KCNIP1: variants seen among roughly 807,000 people sequenced by gnomAD.
KCNIP1 encodes potassium voltage-gated channel interacting protein 1.
A neutral mutation model predicts 33.0 loss-of-function variants in KCNIP1; 18 were observed. That is an observed-to-expected ratio of 0.55 (90% CI 0.38 to 0.81). The LOEUF is 0.81. Among genes scored for constraint, KCNIP1 ranks in the 30% least tolerant of loss-of-function variants. The pLI is 0.00. For synonymous variants in KCNIP1, 93 were observed against 98.3 expected (o/e 0.95, Z 0.32); for missense variants, 238 against 271.6 (o/e 0.88, Z 0.87).
chr5:170,382,404 A>G (rs2113337780), intron 1 of KCNIP1, among the ~76,000 whole-genome samples: 1 of 152,266 alleles, frequency 6.6e-6, no homozygotes, highest in South Asian at 2.1e-4. Flanking sequence ...ACACACTCAC[A>G]TTTTAATTCC....
chr5:170,687,072 G>A (rs1404702675), intron 1 of KCNIP1, among the ~76,000 whole-genome samples: 1 of 151,866 alleles, frequency 6.6e-6, no homozygotes, highest in East Asian at 1.9e-4. Flanking sequence ...AATTAACCTA[G>A]CCTATGTCCC....
intron 1 of KCNIP1, among the ~76,000 whole-genome samples, chr5:170,694,307 A>C (rs1762820633): frequency 6.6e-6 from 1 of 152,220 alleles, no homozygotes; most frequent in Non-Finnish European, 1.5e-5. Flanking sequence ...CATGTTTTCC[A>C]ATGAACCACA....
At chr5:170,726,159 GA>G (rs1258118447) in intron 5 of KCNIP1, among the ~76,000 whole-genome samples, 1 of 152,074 alleles carries the variant, frequency 6.6e-6, no homozygotes, top group Non-Finnish European at 1.5e-5. Context: ...TAAGAAAATG[GA>G]AATGCAAGCC....
chr5:170,583,781 TTTC>T (rs1237229021), intron 1 of KCNIP1, among the ~76,000 whole-genome samples: 4 of 152,214 alleles, frequency 2.6e-5, no homozygotes, highest in African/African-American at 9.6e-5. Flanking sequence ...TCCGGCAGTG[TTTC>T]TTCTTTATCT....
chr5:170,646,513 T>TG (rs1322952894), intron 1 of KCNIP1, among the ~76,000 whole-genome samples: 1 of 152,110 alleles, frequency 6.6e-6, no homozygotes, highest in East Asian at 1.9e-4. Context: ...TAAACAGATG[T>TG]GGAAAAAGCA....
chr5:170,675,117 A>G (rs1393425360), intron 1 of KCNIP1, among the ~76,000 whole-genome samples: 1 of 151,842 alleles, frequency 6.6e-6, no homozygotes, highest in Non-Finnish European at 1.5e-5. Flanking sequence ...CCTGGGCAAT[A>G]TAGTGAGATC....
At chr5:170,565,171 C>G (rs1318701091) in intron 1 of KCNIP1, among the ~76,000 whole-genome samples, 1 of 152,068 alleles carries the variant, frequency 6.6e-6, no homozygotes, top group African/African-American at 2.4e-5. Flanking sequence ...CCTTCTGATT[C>G]CCACAGAGAG....
chr5:170,638,925 G>A (rs1302318636), intron 1 of KCNIP1, among the ~76,000 whole-genome samples: 1 of 152,196 alleles, frequency 6.6e-6, no homozygotes, highest in Admixed American at 6.5e-5. Flanking sequence ...CAGAGGCCCA[G>A]GCCTAGGGGA....
chr5:170,548,894 A>G (rs147407972), intron 1 of KCNIP1, among the ~76,000 whole-genome samples: 150 of 152,296 alleles, frequency 9.8e-4, no homozygotes, highest in African/African-American at 3.5e-3. Flanking sequence ...GAGTCACTGA[A>G]TTCATGTTTG....
At chr5:170,589,130 C>G (rs1304778903) in intron 1 of KCNIP1, among the ~76,000 whole-genome samples, 3 of 151,664 alleles carry the variant, frequency 2.0e-5, no homozygotes, top group Non-Finnish European at 4.4e-5. Flanking sequence ...TCCCAAGTAG[C>G]TGGGACTACA....
At chr5:170,587,865 C>G (rs1274563808) in intron 1 of KCNIP1, among the ~76,000 whole-genome samples, 1 of 152,218 alleles carries the variant, frequency 6.6e-6, no homozygotes, top group Non-Finnish European at 1.5e-5. Context: ...CCCTAGGGAA[C>G]CATGATTCAA....
At chr5:170,580,393 C>G (rs375161337) in intron 1 of KCNIP1, among the ~76,000 whole-genome samples, 20 of 152,274 alleles carry the variant, frequency 1.3e-4, no homozygotes, top group South Asian at 6.2e-4. Flanking sequence ...TGTAACAAAC[C>G]TGGAAGGCAG....
intron 1 of KCNIP1, among the ~76,000 whole-genome samples, chr5:170,676,219 A>C: frequency 6.7e-6 from 1 of 149,056 alleles, no homozygotes; most frequent in African/African-American, 2.5e-5. Context: ...AAGGAAAGGA[A>C]AGGATTACAG....
intron 1 of KCNIP1, among the ~76,000 whole-genome samples, chr5:170,696,864 T>G (rs1762915012): frequency 2.0e-5 from 3 of 152,120 alleles, no homozygotes; most frequent in Admixed American, 2.0e-4. Context: ...ATGGCCTTTT[T>G]CCTGCAAGCA....
At chr5:170,725,740 T>G (rs1372698370) in intron 5 of KCNIP1, among the ~76,000 whole-genome samples, 1 of 152,214 alleles carries the variant, frequency 6.6e-6, no homozygotes, top group Non-Finnish European at 1.5e-5. Context: ...TTATTACACA[T>G]TGTATGCCTG....
At chr5:170,639,795 G>C (rs538760994) in intron 1 of KCNIP1, among the ~76,000 whole-genome samples, 1 of 152,164 alleles carries the variant, frequency 6.6e-6, no homozygotes, top group Non-Finnish European at 1.5e-5. Context: ...CTGCTCTGAC[G>C]TAGTGACTCA....
At chr5:170,612,236 A>C (rs186405773) in intron 1 of KCNIP1, among the ~76,000 whole-genome samples, 37 of 152,336 alleles carry the variant, frequency 2.4e-4, no homozygotes, top group African/African-American at 8.2e-4. Context: ...GTCCCACTCT[A>C]GGCCACTCTC....
At chr5:170,707,136 T>C (rs1167408242) in intron 1 of KCNIP1, among the ~76,000 whole-genome samples, 1 of 143,910 alleles carries the variant, frequency 6.9e-6, no homozygotes, top group Admixed American at 7.2e-5. Context: ...CAGAGACTGC[T>C]GGAACTACCT....
At chr5:170,592,827 G>A (rs1253192834) in intron 1 of KCNIP1, among the ~76,000 whole-genome samples, 1 of 152,188 alleles carries the variant, frequency 6.6e-6, no homozygotes, top group Non-Finnish European at 1.5e-5. Context: ...CATGTGGCTA[G>A]CATGTGGCAG....
Sources: gnomAD v4.1 joint callset for allele counts (sites outside exome capture counted in the v4.1 genomes callset) on GRCh38, gnomAD v4.1.1 for gene constraint, MANE v1.5 for transcripts, NCBI Gene and HGNC (gene_info 2026-07-23, HGNC 2026-07-21) for gene names.